The following CNIH3 variants were observed in gnomAD, a reference collection of about 807,000 sequenced individuals.
The protein encoded by CNIH3 is cornichon family AMPA receptor auxiliary protein 3.
A neutral mutation model predicts 24.1 loss-of-function variants in CNIH3; 14 were observed. The ratio of observed to expected loss-of-function variants is 0.58; its 90% CI spans 0.38 to 0.91. The LOEUF is 0.91. Among genes scored for constraint, CNIH3 ranks in the 40% least tolerant of loss-of-function variants. The pLI, the probability that CNIH3 is intolerant of heterozygous loss-of-function variation, is 0.00. For missense variants in CNIH3, 178 were observed against 196.8 expected, an observed-to-expected ratio of 0.90 and a Z score of 0.57; for synonymous variants, 68 against 73.8, an observed-to-expected ratio of 0.92 and a Z score of 0.40.
chr1:224,725,756 C>T (rs1238988605), intron 3 of CNIH3, among the ~76,000 whole-genome samples: 2 of 152,188 alleles, frequency 1.3e-5, no homozygotes, highest in Non-Finnish European at 2.9e-5. Context: ...CTTCTCCCTT[C>T]CCCTGGTCTT....
intron 4 of CNIH3, among the ~76,000 whole-genome samples, chr1:224,732,402 G>A (rs1689385232): frequency 6.6e-6 from 1 of 152,174 alleles, no homozygotes; most frequent in Non-Finnish European, 1.5e-5. Flanking sequence ...TTAAGTAAAG[G>A]CAATCTGCTC....
intron 3 of CNIH3, among the ~76,000 whole-genome samples, chr1:224,707,291 A>G (rs1687871477): frequency 6.6e-6 from 1 of 152,160 alleles, no homozygotes; most frequent in Non-Finnish European, 1.5e-5. Context: ...AGAAAAGTTC[A>G]TTTTAATCAA....
At chr1:224,470,262 C>T (rs1022574468) in intron 1 of CNIH3, among the ~76,000 whole-genome samples, 3 of 151,724 alleles carry the variant, frequency 2.0e-5, no homozygotes, top group Non-Finnish European at 4.4e-5. Context: ...TTGTGAGCTA[C>T]CTGCCTCGGC....
At chr1:224,583,620 G>A (rs1473027676) in intron 5 of CNIH3, among the ~76,000 whole-genome samples, 1 of 152,206 alleles carries the variant, frequency 6.6e-6, no homozygotes, top group Non-Finnish European at 1.5e-5. Context: ...CCTAATCAGA[G>A]ATGCACTTCA....
chr1:224,445,520 G>A (rs2102953603), intron 1 of CNIH3, among the ~76,000 whole-genome samples: 1 of 143,134 alleles, frequency 7.0e-6, no homozygotes, highest in South Asian at 2.2e-4. Context: ...AGGTTGCAAT[G>A]AGCTGAGATC....
At chr1:224,457,408 C>CT (rs1013181421) in intron 1 of CNIH3, among the ~76,000 whole-genome samples, 1 of 151,764 alleles carries the variant, frequency 6.6e-6, no homozygotes, top group African/African-American at 2.4e-5. Flanking sequence ...AGGACTGACT[C>CT]TGCCTAGCCT....
chr1:224,619,742 C>T (rs1200831977), intron 1 of CNIH3, among the ~76,000 whole-genome samples: 11 of 152,160 alleles, frequency 7.2e-5, no homozygotes, highest in African/African-American at 9.7e-5. Context: ...ACTTCTTGAT[C>T]GGACAAGGCA....
chr1:224,686,114 G>A (rs1341702383), intron 3 of CNIH3, among the ~76,000 whole-genome samples: 2 of 150,514 alleles, frequency 1.3e-5, no homozygotes, highest in African/African-American at 4.9e-5. Flanking sequence ...CCATTGACTC[G>A]TCATTTACAT....
chr1:224,549,361 G>A (rs192462188), intron 3 of CNIH3, among the ~76,000 whole-genome samples: 60 of 151,560 alleles, frequency 4.0e-4, no homozygotes, highest in Admixed American at 7.9e-4. Context: ...AATAGCAGAC[G>A]GATTCTATTT....
In CNIH3 at chr1:224,616,322, G is replaced by A. The variant is rs1302809316; in HGVS notation, c.-853G>A. 2 of 344,306 alleles carry A rather than the reference G, an allele frequency of 5.8e-6. No individual in the cohort carries two copies. The highest frequency in any genetic ancestry group is 1.4e-4 in the East Asian group (1 of 6,914). The allele number at this position is 344,306 out of a possible 1,614,324, so 21.3% of individuals were successfully genotyped here. A position where few individuals can be genotyped will look rare whatever the true frequency, so the allele number is the denominator to read the frequency against. On this transcript the variant is annotated 5_prime_UTR_variant, in exon 1 of 6. Coordinates refer to ENST00000272133, the MANE Select transcript of CNIH3 (RefSeq NM_152495.2). ...GTCGCACCGCTACAGTTCTCGCAGT[G>A]GCAAAGGCGGCGGCGGCGGCGGCGG...
chr1:224,454,564 G>A (rs536022975), intron 1 of CNIH3, among the ~76,000 whole-genome samples: 1 of 152,240 alleles, frequency 6.6e-6, no homozygotes, highest in East Asian at 1.9e-4. Flanking sequence ...AAGCTGCGTG[G>A]CTGCAGGTGA....
intron 1 of CNIH3, among the ~76,000 whole-genome samples, chr1:224,476,616 A>G (rs1455827916): frequency 6.6e-6 from 1 of 152,216 alleles, no homozygotes; most frequent in African/African-American, 2.4e-5. Flanking sequence ...GATTTCTACA[A>G]TGAAAACTAT....
intron 1 of CNIH3, among the ~76,000 whole-genome samples, chr1:224,652,838 C>T (rs1006637991): frequency 2.0e-5 from 3 of 152,098 alleles, no homozygotes; most frequent in South Asian, 2.1e-4. Context: ...TGAGGGTTGG[C>T]GCAGCACACG....
Position 224,617,179 on chromosome 1 carries a change from C to T in CNIH3, c.5C>T (p.Ala2Val). ...TGGGATTGGGGTCCGCCGGCCATGG[C>T]CTTCACTTTCGCTGCGTTCTGCTAC... MAFTFAAFCYML... is the reference protein window; with the variant it reads MVFTFAAFCYML... Residue 2 changes from alanine to valine, a missense_variant, in exon 1 of 6, where the codon GCC becomes GTC. Transcript: ENST00000272133. The T allele has an allele frequency of 6.2e-7, 1 of 1,614,080 alleles. No homozygotes were observed. Among genetic ancestry groups the T allele is most frequent in the Non-Finnish European group, 8.5e-7 (1 of 1,179,964 alleles).
intron 1 of CNIH3, among the ~76,000 whole-genome samples, chr1:224,518,778 C>A (rs1484311162): frequency 1.3e-5 from 2 of 152,192 alleles, no homozygotes; most frequent in Non-Finnish European, 2.9e-5. Flanking sequence ...AGGCAACAAC[C>A]CGTACAGCTC....
At chr1:224,515,052 C>A (rs1307050546), upstream of CNIH3, among the ~76,000 whole-genome samples, 1 of 152,210 alleles carries the variant, frequency 6.6e-6, no homozygotes, top group Non-Finnish European at 1.5e-5. Flanking sequence ...GTTAAACCAG[C>A]AGGTCTTACT....
chr1:224,698,395 T>G (rs1268491434), intron 3 of CNIH3, among the ~76,000 whole-genome samples: 1 of 152,184 alleles, frequency 6.6e-6, no homozygotes, highest in East Asian at 1.9e-4. Context: ...TATTGTGGCC[T>G]TTTAGTGGTG....
At chr1:224,521,191 T>C (rs1678613939) in exon 2 of CNIH3, 1 of 152,190 alleles carries the variant, frequency 6.6e-6, no homozygotes, top group African/African-American at 2.4e-5. Context: ...GAGAGCGTTA[T>C]AAATTCACCC....
At chr1:224,529,745 G>C (rs1292483080) in intron 2 of CNIH3, among the ~76,000 whole-genome samples, 1 of 152,204 alleles carries the variant, frequency 6.6e-6, no homozygotes, top group African/African-American at 2.4e-5. Context: ...GGGACTCCAT[G>C]GGGAAAATGA....
Sources: gnomAD v4.1 joint callset for allele counts (sites outside exome capture counted in the v4.1 genomes callset) on GRCh38, gnomAD v4.1.1 for gene constraint, MANE v1.5 for transcripts, NCBI Gene and HGNC (gene_info 2026-07-23, HGNC 2026-07-21) for gene names.